Variants in ENAH observed in about 807,000 individuals in gnomAD.
ENAH encodes protein enabled homolog.
ENAH carries 23 observed loss-of-function variants against 78.7 expected under a neutral mutation model. The ratio of observed to expected loss-of-function variants is 0.29; its 90% confidence interval spans 0.21 to 0.41. The LOEUF is 0.41. ENAH is among the 10% of genes least tolerant of loss of function. ENAH has a pLI of 1.00. For missense variants in ENAH, 544 were observed against 691.0 expected (o/e 0.79, Z 2.39); for synonymous variants, 226 against 241.0 (o/e 0.94, Z 0.58).
At chr1:225,516,870 T>C (rs2096421887) in intron 6 of ENAH, among the ~76,000 whole-genome samples, 1 of 148,216 alleles carries the variant, frequency 6.7e-6, no homozygotes, top group Non-Finnish European at 1.5e-5. Context: ...CAAGACTCTG[T>C]CTCAAAAAAA....
intron 1 of ENAH, among the ~76,000 whole-genome samples, chr1:225,613,715 T>G (rs1328414161): frequency 6.6e-6 from 1 of 152,174 alleles, no homozygotes; most frequent in Non-Finnish European, 1.5e-5. Flanking sequence ...TACTACACCT[T>G]ATAGCATATT....
intron 1 of ENAH, among the ~76,000 whole-genome samples, chr1:225,606,458 C>T (rs2096956045): frequency 7.0e-6 from 1 of 143,018 alleles, no homozygotes; most frequent in Admixed American, 7.0e-5. Context: ...AAGACTCCAT[C>T]TCAAAAAAAA....
rs1575581530 is a variant in ENAH at position 225,574,611 on chromosome 1, T to TAAAAAAAAA, written c.6-7198_6-7197insTTTTTTTTT. ...AGTGAGACTCTGTCTCCAAAATATA[T>TAAAAAAAAA]AAAAAAAAGGCCGGGCGCGGTGGCT... On this transcript the variant is annotated intron_variant, in intron 1 of 13. Transcript: ENST00000366843. Among the ~76,000 whole-genome samples, 6 of 26,124 alleles carry TAAAAAAAAA rather than the reference T, an allele frequency of 2.3e-4. 1 individual carries two copies. Among genetic ancestry groups the TAAAAAAAAA allele is most frequent in the African/African-American group, 1.4e-3 (6 of 4,158 alleles). 17.1% of individuals were successfully genotyped at this position (26,124 alleles called of 152,430 possible). A position where few individuals can be genotyped will look rare whatever the true frequency, so the allele number is the denominator to read the frequency against.
In ENAH at chr1:225,519,513, G is replaced by C; in HGVS notation, c.487C>G (p.Arg163Gly). The C allele has an allele frequency of 6.2e-7, 1 of 1,608,272 alleles. No homozygotes were observed. The highest frequency in any genetic ancestry group is 1.7e-4 in the Middle Eastern group (1 of 6,050). The change falls in exon 5 of 14, where the codon CGA becomes GGA. Residue 163 changes from arginine to glycine, a missense_variant. Arg to Gly is a moderately radical substitution (Grantham distance 125, BLOSUM62 -2). This residue lies in a region of ENAH where 366 missense variants were observed against 396.1 expected (regional missense o/e 0.92). Coordinates refer to ENST00000366843, the MANE Select transcript of ENAH (RefSeq NM_018212.6). ...QKELERERLERERMERERLER... is the reference protein window; with the variant it reads ...QKELERERLEGERMERERLER... Reference sequence around the variant, plus strand: ...AACCTTTCTCTTTCCATTCTTTCTCGCTCCAGCCTTTCCCGCTCCAGCTCC... The same window carrying C: ...AACCTTTCTCTTTCCATTCTTTCTCCCTCCAGCCTTTCCCGCTCCAGCTCC...
chr1:225,636,585 CG>C (rs1660097037), intron 1 of ENAH, among the ~76,000 whole-genome samples: 1 of 151,998 alleles, frequency 6.6e-6, no homozygotes, highest in African/African-American at 2.4e-5. Flanking sequence ...GGCTCACAGC[CG>C]TAATTCCAGC....
intron 3 of ENAH, among the ~76,000 whole-genome samples, chr1:225,546,528 A>AG (rs1308909883): frequency 6.6e-6 from 1 of 152,200 alleles, no homozygotes; most frequent in Non-Finnish European, 1.5e-5. Flanking sequence ...CATGGTAGGT[A>AG]AAGAATACCT....
intron 11 of ENAH, among the ~76,000 whole-genome samples, chr1:225,504,575 T>A (rs1457175750): frequency 6.6e-6 from 1 of 152,252 alleles, no homozygotes; most frequent in African/African-American, 2.4e-5. Context: ...GATAATTTAC[T>A]ACAAAGTATC....
In ENAH at chr1:225,653,113, G is replaced by GGAGGAGAGTCGGGATCGCCGCGA. The variant is rs1390900587; in HGVS notation, c.-424_-423insTCGCGGCGATCCCGACTCTCCTC. On this transcript the variant is annotated 5_prime_UTR_variant, in exon 1 of 14. Transcript: ENST00000366843. This position sits in a 1 kb window ranked among gnomAD's most constrained non-coding sequence, Gnocchi z 4.3. ...GCAACCGGCAGCTGCTGCAGCCGCG[G>GGAGGAGAGTCGGGATCGCCGCGA]GAGGAGAGTCGGGATCGCCGCGAGG... The GGAGGAGAGTCGGGATCGCCGCGA allele has an allele frequency of 6.6e-6, 1 of 152,156 alleles. No homozygotes were observed. Among genetic ancestry groups the GGAGGAGAGTCGGGATCGCCGCGA allele is most frequent in the Non-Finnish European group, 1.5e-5 (1 of 68,062 alleles). The allele number at this position is 152,156 out of a possible 1,614,324, so 9.4% of individuals were successfully genotyped here.
At chr1:225,631,154 C>T (rs1658949280) in intron 1 of ENAH, among the ~76,000 whole-genome samples, 1 of 152,130 alleles carries the variant, frequency 6.6e-6, no homozygotes. Context: ...ATTTACTATA[C>T]CCTATACTGA....
At chr1:225,517,533 C>T (rs2096430888) in intron 5 of ENAH, 1 of 1,551,356 alleles carries the variant, frequency 6.4e-7, no homozygotes, top group African/African-American at 1.4e-5. Flanking sequence ...GCATTTGGGG[C>T]ACAGGAGAAG....
intron 1 of ENAH, among the ~76,000 whole-genome samples, chr1:225,593,802 A>C (rs1392139699): frequency 1.3e-5 from 2 of 152,230 alleles, no homozygotes. Flanking sequence ...GCTTCTACAA[A>C]AGGTTAAAAC....
Position 225,519,445 on chromosome 1 carries a change from T to C in ENAH, c.555A>G (p.Arg185=). ...CTCTCTCCAGCTGTTCTTGTTCCAGTCGCTCCCTCTCCAGCCTTTCCCTTT... is the reference window on the plus strand; with the variant it reads ...CTCTCTCCAGCTGTTCTTGTTCCAGCCGCTCCCTCTCCAGCCTTTCCCTTT... ...RLERERLERE[R]LEQEQLERER... Residue 185 remains arginine (R), a synonymous_variant, in exon 5 of 14, where the codon CGA becomes CGG. Coordinates refer to ENST00000366843, the MANE Select transcript of ENAH (RefSeq NM_018212.6). 2 of 1,613,344 alleles carry C rather than the reference T, an allele frequency of 1.2e-6. No individual in the cohort carries two copies. Among genetic ancestry groups the C allele is most frequent in the Non-Finnish European group, 1.7e-6 (2 of 1,179,600 alleles).
In ENAH at chr1:225,487,133, T is replaced by G. The variant is rs147478517; in HGVS notation, c.*10642A>C. On this transcript the variant is annotated 3_prime_UTR_variant, in exon 14 of 14. Transcript: ENST00000366843. ...CATGTCATGCACATACAGGTTACAC[T>G]TTATGGTTACATGAAATTGCATGCA... 3,079 of 152,468 alleles carry G rather than the reference T, an allele frequency of 0.02. 51 individuals are homozygous for G. Among genetic ancestry groups the G allele is most frequent in the Non-Finnish European group, 0.029 (1,998 of 68,026 alleles). The allele number at this position is 152,468 out of a possible 1,614,324, so 9.4% of individuals were successfully genotyped here. A position where few individuals can be genotyped will look rare whatever the true frequency, so the allele number is the denominator to read the frequency against.
At chr1:225,623,467 T>A (rs1657367608) in intron 1 of ENAH, among the ~76,000 whole-genome samples, 1 of 152,158 alleles carries the variant, frequency 6.6e-6, no homozygotes, top group African/African-American at 2.4e-5. Flanking sequence ...AATTTTTCTT[T>A]TTTTTAGATT....
chr1:225,568,967 AT>A (rs1394195784), intron 1 of ENAH, among the ~76,000 whole-genome samples: 1 of 152,238 alleles, frequency 6.6e-6, no homozygotes, highest in Non-Finnish European at 1.5e-5. Flanking sequence ...CTGCACTGAC[AT>A]TTTTGGTAAA....
At chr1:225,574,583 C>A (rs2096778602) in intron 1 of ENAH, among the ~76,000 whole-genome samples, 1 of 149,792 alleles carries the variant, frequency 6.7e-6, no homozygotes, top group Non-Finnish European at 1.5e-5. Flanking sequence ...GCCTGGGTGA[C>A]AAAGTGAGAC....
At chr1:225,558,062 T>A (rs1283385279) in intron 2 of ENAH, among the ~76,000 whole-genome samples, 4 of 152,188 alleles carry the variant, frequency 2.6e-5, no homozygotes, top group African/African-American at 9.7e-5. Context: ...GGATAAACAA[T>A]CTTGGTCCTC....
At position 225,512,659 on chromosome 1, in the gene ENAH, C is replaced by T. The variant is rs777349428; in HGVS notation, c.1420G>A (p.Gly474Ser). 8 of 1,612,988 alleles carry T rather than the reference C, an allele frequency of 5.0e-6. No homozygotes were observed. The highest frequency in any genetic ancestry group is 1.7e-4 in the Middle Eastern group (1 of 6,060). Reference protein sequence around the residue: ...TIETEQKEDKGEDSEPVTSKA... With the variant: ...TIETEQKEDKSEDSEPVTSKA... ...GTAGACTATCTTTATTAACTTACAC[C>T]TTTGTCCTCTTTTTGTTCTGTTTCT... The change falls in exon 9 of 14, where the codon GGT becomes AGT. Residue 474 changes from glycine to serine, a missense_variant and splice_region_variant. Transcript: ENST00000366843.
intron 1 of ENAH, among the ~76,000 whole-genome samples, chr1:225,596,483 T>C (rs1158595586): frequency 1.3e-5 from 2 of 152,060 alleles, no homozygotes. Flanking sequence ...GGACCACATA[T>C]AGCCATAGTA....
Sources: gnomAD v4.1 joint callset for allele counts (sites outside exome capture counted in the v4.1 genomes callset) on GRCh38, gnomAD v4.1.1 for gene constraint, gnomAD v4.1.1 regional missense constraint, Gnocchi (gnomAD v3.1) non-coding constraint, MANE v1.5 for transcripts, NCBI Gene and HGNC (gene_info 2026-07-23, HGNC 2026-07-21) for gene names.